The following RBFOX1 variants were observed in gnomAD, a reference collection of about 807,000 sequenced individuals.
RBFOX1 encodes the protein RNA binding fox-1 homolog 1, also known as RNA binding protein fox-1 homolog 1.
RBFOX1 carries 8 observed loss-of-function variants against 57.7 expected under a neutral mutation model. The ratio of observed to expected loss-of-function variants is 0.14; its 90% CI spans 0.08 to 0.25. RBFOX1 has a LOEUF of 0.25. Ranked by LOEUF, RBFOX1 falls within the 10% of genes least tolerant of loss-of-function variation. The probability of loss-of-function intolerance (pLI) is 1.00; values close to 1 mark genes in which losing one functional copy is unlikely to be tolerated. For synonymous variants in RBFOX1, 326 were observed against 222.4 expected (o/e 1.47, Z -4.15); for missense variants, 611 against 548.5 (o/e 1.11, Z -1.14).
chr16:6,924,440 A>G (rs563092966), intron 3 of RBFOX1, among the ~76,000 whole-genome samples: 37 of 152,170 alleles, frequency 2.4e-4, no homozygotes, highest in African/African-American at 8.9e-4. Flanking sequence ...GTGCTCACTC[A>G]TCACTAAGGG....
chr16:6,815,971 G>A (rs1030611012), intron 3 of RBFOX1, among the ~76,000 whole-genome samples: 2 of 152,152 alleles, frequency 1.3e-5, no homozygotes, highest in Non-Finnish European at 2.9e-5. Context: ...TAATATTAAG[G>A]TTGGCAAATC....
intron 6 of RBFOX1, among the ~76,000 whole-genome samples, chr16:7,581,186 G>C (rs1481180198): frequency 6.6e-6 from 1 of 152,176 alleles, no homozygotes; most frequent in East Asian, 1.9e-4. Flanking sequence ...ACATTTCAGA[G>C]GAAAAGGTCA....
intron 3 of RBFOX1, among the ~76,000 whole-genome samples, chr16:6,693,266 A>G (rs940327570): frequency 6.7e-6 from 1 of 149,768 alleles, no homozygotes; most frequent in Admixed American, 6.7e-5. Flanking sequence ...ATCCTCATCC[A>G]CTAACATCAC....
chr16:7,481,755 CATA>C (rs796379190), intron 4 of RBFOX1, among the ~76,000 whole-genome samples: 87 of 152,224 alleles, frequency 5.7e-4, no homozygotes, highest in African/African-American at 1.9e-3. Context: ...AAGTAGAAAA[CATA>C]ATAAGTCAAA....
chr16:5,541,819 G>C (rs188159689), intron 2 of RBFOX1, among the ~76,000 whole-genome samples: 20 of 152,294 alleles, frequency 1.3e-4, no homozygotes, highest in Admixed American at 1.2e-3. Context: ...GGAAGGATAG[G>C]ATTGGTTATT....
chr16:7,044,434 C>G (rs1489941290), intron 3 of RBFOX1, among the ~76,000 whole-genome samples: 1 of 152,184 alleles, frequency 6.6e-6, no homozygotes, highest in Non-Finnish European at 1.5e-5. Flanking sequence ...GAGAAAGCGT[C>G]TTTGGCCCTG....
chr16:5,331,559 C>G (rs1486130413), intron 1 of RBFOX1, among the ~76,000 whole-genome samples: 1 of 152,278 alleles, frequency 6.6e-6, no homozygotes, highest in Non-Finnish European at 1.5e-5. Flanking sequence ...CACTCAAACT[C>G]TTTGAGCCTT....
At chr16:6,404,708 T>C (rs1023968624) in intron 2 of RBFOX1, among the ~76,000 whole-genome samples, 1 of 152,176 alleles carries the variant, frequency 6.6e-6, no homozygotes, top group Non-Finnish European at 1.5e-5. Flanking sequence ...TGGTCACCTT[T>C]TGCTGTTCCC....
intron 4 of RBFOX1, among the ~76,000 whole-genome samples, chr16:6,010,538 G>T (rs967220501): frequency 1.3e-5 from 2 of 152,172 alleles, no homozygotes; most frequent in Non-Finnish European, 2.9e-5. Flanking sequence ...CACCTCCCCA[G>T]TTCACTACTG....
chr16:7,011,747 C>G (rs945227916), intron 3 of RBFOX1, among the ~76,000 whole-genome samples: 8 of 152,094 alleles, frequency 5.3e-5, no homozygotes, highest in Non-Finnish European at 8.8e-5. Context: ...ATCTCCTGAC[C>G]TCGTGATCCG....
chr16:5,256,266 C>A (rs1457622496), intron 1 of RBFOX1, among the ~76,000 whole-genome samples: 1 of 152,098 alleles, frequency 6.6e-6, no homozygotes, highest in Non-Finnish European at 1.5e-5. Context: ...CCGAGTTAGC[C>A]AGGGAAAAAT....
intron 4 of RBFOX1, among the ~76,000 whole-genome samples, chr16:5,872,591 G>T (rs2057501764): frequency 6.6e-6 from 1 of 151,928 alleles, no homozygotes; most frequent in East Asian, 1.9e-4. Flanking sequence ...AAAAAAATTG[G>T]CAGGTGTGGT....
At chr16:5,936,308 G>C (rs2059167820) in intron 4 of RBFOX1, among the ~76,000 whole-genome samples, 1 of 152,154 alleles carries the variant, frequency 6.6e-6, no homozygotes, top group Non-Finnish European at 1.5e-5. Context: ...ATTTTTAGTA[G>C]AGATGGGGTT....
chr16:5,501,785 C>G (rs2043206247), intron 2 of RBFOX1, among the ~76,000 whole-genome samples: 1 of 152,150 alleles, frequency 6.6e-6, no homozygotes, highest in Non-Finnish European at 1.5e-5. Context: ...GCGGTCACAG[C>G]TCCCTGCAGT....
At chr16:6,065,905 A>T (rs899755435) in intron 1 of RBFOX1, among the ~76,000 whole-genome samples, 3 of 152,192 alleles carry the variant, frequency 2.0e-5, no homozygotes, top group Non-Finnish European at 2.9e-5. Context: ...ATATGAAGTG[A>T]TTGCCTGCCA....
intron 2 of RBFOX1, among the ~76,000 whole-genome samples, chr16:6,469,992 C>T (rs562250282): frequency 6.6e-6 from 1 of 152,206 alleles, no homozygotes; most frequent in African/African-American, 2.4e-5. Flanking sequence ...TTCTAGACAA[C>T]AAAGTAATCC....
At chr16:7,373,577 T>C (rs907176596) in intron 4 of RBFOX1, among the ~76,000 whole-genome samples, 2 of 152,034 alleles carry the variant, frequency 1.3e-5, no homozygotes, top group African/African-American at 4.8e-5. Flanking sequence ...CCTTTATCTT[T>C]AATAAGGTCC....
At chr16:7,269,384 C>A (rs956663593) in intron 4 of RBFOX1, among the ~76,000 whole-genome samples, 1 of 152,036 alleles carries the variant, frequency 6.6e-6, no homozygotes, top group Non-Finnish European at 1.5e-5. Context: ...TGCTCATCAC[C>A]CCCAAATAAT....
At chr16:7,439,931 C>G (rs1567176279) in intron 4 of RBFOX1, among the ~76,000 whole-genome samples, 1 of 148,264 alleles carries the variant, frequency 6.7e-6, no homozygotes. Flanking sequence ...AACCACAAAA[C>G]AACCAAATCT....
Sources: allele counts gnomAD v4.1 joint callset (sites outside exome capture counted in the v4.1 genomes callset), GRCh38; gene constraint gnomAD v4.1.1; transcripts MANE v1.5; gene names NCBI Gene and HGNC (gene_info 2026-07-23, HGNC 2026-07-21).